PTPRD: variants seen among roughly 807,000 people sequenced by gnomAD.
PTPRD encodes the protein receptor-type tyrosine-protein phosphatase delta.
A neutral mutation model predicts 214.5 loss-of-function variants in PTPRD; 34 were observed. That is an observed-to-expected ratio of 0.16 (90% CI 0.12 to 0.21). The LOEUF (loss-of-function observed/expected upper bound fraction) is 0.21, where lower values mean the gene tolerates loss of function less well. Ranked by LOEUF, PTPRD falls within the 10% of genes least tolerant of loss-of-function variation. PTPRD has a pLI of 1.00. For synonymous variants in PTPRD, 1,128 were observed against 845.7 expected, an observed-to-expected ratio of 1.33 and a Z score of -5.79; for missense variants, 2,545 against 2,398.7, an observed-to-expected ratio of 1.06 and a Z score of -1.27.
intron 8 of PTPRD, among the ~76,000 whole-genome samples, chr9:9,491,345 G>T (rs1038073479): frequency 6.6e-6 from 1 of 151,928 alleles, no homozygotes; most frequent in Non-Finnish European, 1.5e-5. Context: ...TACGATAATA[G>T]TTGGGGACTT....
chr9:9,358,609 G>C (rs1200258312), intron 9 of PTPRD, among the ~76,000 whole-genome samples: 1 of 151,154 alleles, frequency 6.6e-6, no homozygotes, highest in Non-Finnish European at 1.5e-5. Context: ...AGTCATAAAA[G>C]AACTGATTGG....
chr9:9,881,384 A>T (rs936311985), intron 5 of PTPRD, among the ~76,000 whole-genome samples: 1 of 152,094 alleles, frequency 6.6e-6, no homozygotes, highest in African/African-American at 2.4e-5. Context: ...AGTAATTCCT[A>T]CTTCCCCAGT....
intron 7 of PTPRD, among the ~76,000 whole-genome samples, chr9:9,665,590 T>C (rs1031349710): frequency 1.3e-5 from 2 of 151,792 alleles, no homozygotes; most frequent in African/African-American, 4.8e-5. Flanking sequence ...AGTTACAGAA[T>C]GGGACGAGGA....
intron 5 of PTPRD, among the ~76,000 whole-genome samples, chr9:9,789,292 G>A (rs972656727): frequency 6.6e-6 from 1 of 152,144 alleles, no homozygotes; most frequent in African/African-American, 2.4e-5. Context: ...TGGCCTATAG[G>A]CAAGTTCCCG....
Position 9,761,602 on chromosome 9 carries a change from G to T in PTPRD, c.-326+5208C>A, listed in dbSNP as rs555038804. ...TGGGGGTTTATCTCAATTTCAATAT[G>T]CTGGTTGTGATATTATACTATAGTT... On this transcript the variant is annotated intron_variant, in intron 6 of 45. Transcript: ENST00000381196. Among the ~76,000 whole-genome samples the T allele has an allele frequency of 6.6e-4, 100 of 152,184 alleles. 2 individuals carry two copies. The highest frequency in any genetic ancestry group is 1.0e-3 in the African/African-American group (42 of 41,522).
chr9:8,745,472 G>T (rs1369917386), intron 11 of PTPRD, among the ~76,000 whole-genome samples: 1 of 152,196 alleles, frequency 6.6e-6, no homozygotes, highest in Non-Finnish European at 1.5e-5. Flanking sequence ...AAGGCAGGAT[G>T]AAAGAATCTC....
chr9:9,777,379 T>G (rs2098806908), intron 5 of PTPRD, among the ~76,000 whole-genome samples: 1 of 151,252 alleles, frequency 6.6e-6, no homozygotes, highest in Non-Finnish European at 1.5e-5. Context: ...GTGTCAAAAA[T>G]AAATTCAACT....
At chr9:8,478,289 T>C (rs1367298068) in intron 30 of PTPRD, among the ~76,000 whole-genome samples, 3 of 152,158 alleles carry the variant, frequency 2.0e-5, no homozygotes, top group Admixed American at 6.5e-5. Context: ...TACTCTTCAT[T>C]AGGCTGCTAA....
intron 8 of PTPRD, among the ~76,000 whole-genome samples, chr9:9,431,092 A>G (rs1286317506): frequency 1.3e-5 from 2 of 152,256 alleles, no homozygotes; most frequent in Admixed American, 1.3e-4. Context: ...ACAGCAAAAG[A>G]AACTACCATC....
chr9:9,626,711 C>T (rs764255039), intron 7 of PTPRD, among the ~76,000 whole-genome samples: 1 of 152,122 alleles, frequency 6.6e-6, no homozygotes, highest in Non-Finnish European at 1.5e-5. Context: ...GCAAATCTCT[C>T]TGAGGTAGGG....
At chr9:9,401,213 G>C (rs1486842039) in intron 8 of PTPRD, among the ~76,000 whole-genome samples, 2 of 151,924 alleles carry the variant, frequency 1.3e-5, no homozygotes, top group East Asian at 3.9e-4. Flanking sequence ...ATTCTTATGA[G>C]TTTCAGTAAT....
intron 11 of PTPRD, among the ~76,000 whole-genome samples, chr9:8,805,996 GAA>G (rs1163893682): frequency 1.4e-4 from 13 of 93,140 alleles, no homozygotes; most frequent in African/African-American, 3.9e-4. Flanking sequence ...CTCCGTCTCA[GAA>G]AAAAAAAAAA....
At chr9:8,791,086 G>A (rs911968505) in intron 11 of PTPRD, among the ~76,000 whole-genome samples, 7 of 152,176 alleles carry the variant, frequency 4.6e-5, no homozygotes, top group Admixed American at 3.3e-4. Flanking sequence ...TGGCTTCTAT[G>A]GAGAGAGTGA....
chr9:10,104,907 T>G (rs1473176117), intron 3 of PTPRD, among the ~76,000 whole-genome samples: 1 of 151,882 alleles, frequency 6.6e-6, no homozygotes, highest in East Asian at 1.9e-4. Context: ...CCAGCTACTC[T>G]CATTTCTTGG....
At chr9:10,385,147 T>G (rs567846727) in intron 2 of PTPRD, among the ~76,000 whole-genome samples, 4 of 151,644 alleles carry the variant, frequency 2.6e-5, no homozygotes, top group South Asian at 4.2e-4. Flanking sequence ...ATACTACTTG[T>G]TTTTTTTCCA....
At chr9:8,688,539 T>TG (rs1244649217) in intron 12 of PTPRD, among the ~76,000 whole-genome samples, 2 of 142,694 alleles carry the variant, frequency 1.4e-5, no homozygotes, top group African/African-American at 5.3e-5. Context: ...CGCTCCAGCC[T>TG]GGGCGATAGA....
Position 10,606,843 on chromosome 9 carries a change from C to A in PTPRD, c.-600+5555G>T, listed in dbSNP as rs148411142. Among the ~76,000 whole-genome samples, 300 of 152,010 alleles carry A rather than the reference C, an allele frequency of 2.0e-3. 1 individual carries two copies. The highest frequency in any genetic ancestry group is 3.3e-3 in the Non-Finnish European group (223 of 67,832). On this transcript the variant is annotated intron_variant, in intron 2 of 45. Transcript: ENST00000381196. Reference sequence around the variant, plus strand: ...TACATTTGAGAACTATAACTTTGGACAGTTTGTAAAATCTATAATTCACAG... The same window carrying A: ...TACATTTGAGAACTATAACTTTGGAAAGTTTGTAAAATCTATAATTCACAG...
chr9:9,535,826 T>G lies in PTPRD; in HGVS notation c.-237+38906A>C, dbSNP rs149894865. On this transcript the variant is annotated intron_variant, in intron 8 of 45. Coordinates refer to ENST00000381196, the MANE Select transcript of PTPRD (RefSeq NM_002839.4). Reference sequence around the variant, plus strand: ...AGTGTATAAAGAGTTAAATTGTGTGTGGGGGAGGGGTGTGTGTGTACACAC... The same window carrying G: ...AGTGTATAAAGAGTTAAATTGTGTGGGGGGGAGGGGTGTGTGTGTACACAC... Among the ~76,000 whole-genome samples, 284 of 152,048 alleles carry G rather than the reference T, an allele frequency of 1.9e-3. 2 individuals are homozygous for G. Among genetic ancestry groups the G allele is most frequent in the Non-Finnish European group, 3.5e-3 (237 of 67,946 alleles).
chr9:8,594,248 G>GT (rs138672753), intron 14 of PTPRD, among the ~76,000 whole-genome samples: 2,145 of 152,192 alleles, frequency 0.014, 41 homozygotes, highest in African/African-American at 0.047. Context: ...AAAGTCTGCT[G>GT]TTTTTTAAAG....
Sources: gnomAD v4.1 joint callset for allele counts (sites outside exome capture counted in the v4.1 genomes callset) on GRCh38, gnomAD v4.1.1 for gene constraint, MANE v1.5 for transcripts, NCBI Gene and HGNC (gene_info 2026-07-23, HGNC 2026-07-21) for gene names.